The following WDR70 variants were observed in gnomAD, a reference collection of about 807,000 sequenced individuals.
The protein encoded by WDR70 is WD repeat domain 70, also known as WD repeat-containing protein 70.
A neutral mutation model predicts 88.6 loss-of-function variants in WDR70; 53 were observed. That is an observed-to-expected ratio of 0.60 (90% CI 0.48 to 0.75). WDR70 has a LOEUF of 0.75. Among genes scored for constraint, WDR70 ranks in the 30% least tolerant of loss-of-function variants. WDR70 has a pLI of 0.00. For missense variants in WDR70, 610 were observed against 823.2 expected (o/e 0.74, Z 3.17); for synonymous variants, 280 against 270.0 (o/e 1.04, Z -0.36).
Position 37,397,469 on chromosome 5 carries a change from C to CA in WDR70, c.492+916dup, listed in dbSNP as rs58483851. On this transcript the variant is annotated intron_variant, in intron 5 of 17. Transcript: ENST00000265107. Reference sequence around the variant, plus strand: ...GGGCAATAAGAGCAAAACTCTGTTTCAAAAAAAAAAAAAAAAATCTATGTA... The same window carrying CA: ...GGGCAATAAGAGCAAAACTCTGTTTCAAAAAAAAAAAAAAAAAATCTATGTA... Among the ~76,000 whole-genome samples, 544 of 130,794 alleles carry CA rather than the reference C, an allele frequency of 4.2e-3. 3 individuals are homozygous for CA. The highest frequency in any genetic ancestry group is 0.013 in the African/African-American group (450 of 35,308). The allele number at this position is 130,794 out of a possible 152,430, so 85.8% of individuals were successfully genotyped here. A position where few individuals can be genotyped will look rare whatever the true frequency, so the allele number is the denominator to read the frequency against.
At chr5:37,666,790 C>A (rs1468651642) in intron 10 of WDR70, among the ~76,000 whole-genome samples, 1 of 152,186 alleles carries the variant, frequency 6.6e-6, no homozygotes, top group African/African-American at 2.4e-5. Flanking sequence ...CTGGGACACA[C>A]TGCTTGGGTT....
intron 9 of WDR70, among the ~76,000 whole-genome samples, chr5:37,548,957 T>C (rs1020419270): frequency 2.6e-5 from 4 of 152,204 alleles, no homozygotes; most frequent in Non-Finnish European, 5.9e-5. Context: ...ACTACAGGTG[T>C]GTGGATTTGT....
chr5:37,678,591 C>T (rs556505034), intron 10 of WDR70, among the ~76,000 whole-genome samples: 3,142 of 152,072 alleles, frequency 0.021, 105 homozygotes, highest in African/African-American at 0.071. Context: ...GAGTTTCTGC[C>T]GAGAGATCCG....
intron 9 of WDR70, among the ~76,000 whole-genome samples, chr5:37,596,932 T>C (rs1743718436): frequency 6.6e-6 from 1 of 152,162 alleles, no homozygotes; most frequent in Admixed American, 6.6e-5. Flanking sequence ...TATGACTTGT[T>C]CAGAATGTTA....
intron 10 of WDR70, among the ~76,000 whole-genome samples, chr5:37,645,526 T>G (rs571967648): frequency 6.6e-6 from 1 of 152,254 alleles, no homozygotes; most frequent in African/African-American, 2.4e-5. Context: ...GATGTTTCTT[T>G]ATTGAAAATC....
intron 9 of WDR70, among the ~76,000 whole-genome samples, chr5:37,594,767 A>T (rs1174163476): frequency 6.6e-6 from 1 of 152,230 alleles, no homozygotes; most frequent in Admixed American, 6.5e-5. Flanking sequence ...ATTCCTATCC[A>T]TGAGCCTGGA....
intron 5 of WDR70, among the ~76,000 whole-genome samples, chr5:37,410,193 GTTTTTTTTTT>G (rs952637754): frequency 3.3e-5 from 4 of 119,456 alleles, no homozygotes; most frequent in African/African-American, 6.2e-5. Flanking sequence ...GAGTTTGTTA[GTTTTTTTTTT>G]TTTTTTTTTT....
intron 15 of WDR70, 173 bp from the exon 16 acceptor site, chr5:37,724,761 G>A: frequency 1.5e-6 from 1 of 646,698 alleles, no homozygotes; most frequent in Non-Finnish European, 2.7e-6. Flanking sequence ...TGACCAGTGA[G>A]TCTGGTCTCA....
At chr5:37,499,590 TCTCTCTCTCTCTCTCTCTCTC>T (rs1561876799) in intron 8 of WDR70, among the ~76,000 whole-genome samples, 1,705 of 134,564 alleles carry the variant, frequency 0.013, 49 homozygotes, top group African/African-American at 0.045. Flanking sequence ...GGAAATATTC[TCTCTCTCTCTCTCTCTCTCTC>T]TCTCTCTCTC....
chr5:37,525,267 A>G (rs1438240710), intron 9 of WDR70, among the ~76,000 whole-genome samples: 2 of 152,222 alleles, frequency 1.3e-5, no homozygotes, highest in Non-Finnish European at 2.9e-5. Flanking sequence ...AACAGAAATT[A>G]TAAAAAACCG....
chr5:37,415,271 T>C (rs1157442968), intron 5 of WDR70, among the ~76,000 whole-genome samples: 4 of 151,980 alleles, frequency 2.6e-5, no homozygotes, highest in Admixed American at 6.6e-5. Flanking sequence ...ATTGTCATCA[T>C]GGCCCGTTCT....
intron 8 of WDR70, among the ~76,000 whole-genome samples, chr5:37,492,461 A>T (rs1314562948): frequency 6.6e-6 from 1 of 152,346 alleles, no homozygotes; most frequent in East Asian, 1.9e-4. Flanking sequence ...AACTATAAGT[A>T]TAATGGGCTA....
Position 37,710,457 on chromosome 5 carries a change from C to T in WDR70, c.1416+7370C>T, listed in dbSNP as rs866000844. Among the ~76,000 whole-genome samples, 5 of 152,118 alleles carry T rather than the reference C, an allele frequency of 3.3e-5. No individual in the cohort carries two copies. In the South Asian group the frequency reaches 6.2e-4, roughly 19 times the overall value. ...GTTTCAAGAATGTCATATAAATCAGCGGTCCCCAACTTTTTTGGCACCAGG... is the reference window on the plus strand; with the variant it reads ...GTTTCAAGAATGTCATATAAATCAGTGGTCCCCAACTTTTTTGGCACCAGG... On this transcript the variant is annotated intron_variant, in intron 13 of 17. Transcript: ENST00000265107.
chr5:37,609,329 T>G (rs530074014), intron 10 of WDR70, among the ~76,000 whole-genome samples: 4 of 152,368 alleles, frequency 2.6e-5, no homozygotes, highest in African/African-American at 9.6e-5. Context: ...TATAGTCTTA[T>G]GAATACCTAA....
intron 10 of WDR70, among the ~76,000 whole-genome samples, chr5:37,639,087 G>A (rs1472075378): frequency 1.3e-5 from 2 of 152,198 alleles, no homozygotes; most frequent in South Asian, 2.1e-4. Flanking sequence ...CAAACCCAGA[G>A]TGAGTATTTA....
intron 5 of WDR70, among the ~76,000 whole-genome samples, chr5:37,423,308 G>A (rs1750004822): frequency 6.7e-6 from 1 of 150,332 alleles, no homozygotes; most frequent in South Asian, 2.1e-4. Flanking sequence ...AAGCAAATAA[G>A]AAGGAGAGTT....
intron 10 of WDR70, among the ~76,000 whole-genome samples, chr5:37,611,795 T>TA (rs1410864661): frequency 0.053 from 7,205 of 135,626 alleles, 529 homozygotes; most frequent in African/African-American, 0.18. Flanking sequence ...TTTTTTTTTT[T>TA]TAAAAAAAAA....
At chr5:37,501,821 A>G (rs942039138) in intron 8 of WDR70, among the ~76,000 whole-genome samples, 1 of 152,128 alleles carries the variant, frequency 6.6e-6, no homozygotes, top group African/African-American at 2.4e-5. Context: ...TTATACCAGT[A>G]CTATGCTGTT....
intron 17 of WDR70, among the ~76,000 whole-genome samples, chr5:37,736,800 A>G (rs1748318397): frequency 6.6e-6 from 1 of 152,018 alleles, no homozygotes; most frequent in South Asian, 2.1e-4. Flanking sequence ...AATTATGGAA[A>G]ACAACAAATT....
Sources: allele counts gnomAD v4.1 joint callset (sites outside exome capture counted in the v4.1 genomes callset), GRCh38; gene constraint gnomAD v4.1.1; transcripts MANE v1.5; gene names NCBI Gene and HGNC (gene_info 2026-07-23, HGNC 2026-07-21).